Variants in ITGB3BP observed in about 807,000 individuals in gnomAD.
ITGB3BP encodes integrin subunit beta 3 binding protein.
A neutral mutation model predicts 29.1 loss-of-function variants in ITGB3BP; 27 were observed. The observed-to-expected ratio is 0.93, with a 90% CI of 0.68 to 1.28. ITGB3BP has a LOEUF of 1.28. ITGB3BP is among the 50% of genes most tolerant of loss of function. The probability of loss-of-function intolerance (pLI) is 0.00; values close to 1 mark genes in which losing one functional copy is unlikely to be tolerated. For missense variants in ITGB3BP, 192 were observed against 200.2 expected (o/e 0.96, Z 0.25); for synonymous variants, 61 against 61.4 (o/e 0.99, Z 0.03).
upstream of ITGB3BP, among the ~76,000 whole-genome samples, chr1:63,523,796 A>G (rs1646522870): frequency 6.6e-6 from 1 of 152,190 alleles, no homozygotes; most frequent in African/African-American, 2.4e-5. Context: ...AGAGGAATAC[A>G]AAAATAGAGA....
chr1:63,485,453 T>C (rs1226638209), intron 3 of ITGB3BP, among the ~76,000 whole-genome samples: 7 of 151,494 alleles, frequency 4.6e-5, no homozygotes, highest in Admixed American at 2.0e-4. Context: ...CGCCCTCCAA[T>C]TGTTTGTTTT....
intron 4 of ITGB3BP, among the ~76,000 whole-genome samples, chr1:63,473,351 GGTCA>G (rs1645247411): frequency 6.6e-6 from 1 of 151,050 alleles, no homozygotes; most frequent in African/African-American, 2.4e-5. Context: ...GGTGGCGGGG[GGTCA>G]GCCCCCCGCC....
chr1:63,499,337 A>C (rs1179013423), intron 2 of ITGB3BP, among the ~76,000 whole-genome samples: 3 of 151,668 alleles, frequency 2.0e-5, no homozygotes, highest in African/African-American at 7.3e-5. Flanking sequence ...TTTAGTAGAG[A>C]AGGGGGTTTC....
chr1:63,462,137 A>T (rs1645027506), intron 4 of ITGB3BP, among the ~76,000 whole-genome samples: 1 of 152,196 alleles, frequency 6.6e-6, no homozygotes, highest in Admixed American at 6.5e-5. Flanking sequence ...TTTTATTTAG[A>T]TCTTCTTTAA....
At chr1:63,493,783 T>A (rs1327613976) in intron 2 of ITGB3BP, among the ~76,000 whole-genome samples, 1 of 152,234 alleles carries the variant, frequency 6.6e-6, no homozygotes, top group East Asian at 1.9e-4. Context: ...CTGATTTTTT[T>A]AAACCTATTA....
chr1:63,443,701 G>A (rs535764272), intron 8 of ITGB3BP, among the ~76,000 whole-genome samples: 1 of 152,272 alleles, frequency 6.6e-6, no homozygotes, highest in South Asian at 2.1e-4. Flanking sequence ...AGAGGTAATG[G>A]AGAAATAAAC....
At chr1:63,497,880 C>T (rs139586338) in intron 2 of ITGB3BP, among the ~76,000 whole-genome samples, 57 of 151,912 alleles carry the variant, frequency 3.8e-4, no homozygotes, top group African/African-American at 1.3e-3. Context: ...CTGTACTGGG[C>T]ACTTCTTTTC....
At chr1:63,492,657 C>T (rs1165660390) in intron 2 of ITGB3BP, among the ~76,000 whole-genome samples, 1 of 151,998 alleles carries the variant, frequency 6.6e-6, no homozygotes, top group African/African-American at 2.4e-5. Context: ...AGTCAGCAAT[C>T]CTTCCATTCA....
intron 3 of ITGB3BP, among the ~76,000 whole-genome samples, chr1:63,483,548 G>A (rs1645475823): frequency 6.6e-6 from 1 of 151,906 alleles, no homozygotes; most frequent in Admixed American, 6.6e-5. Flanking sequence ...TTATTGCCCT[G>A]TTTTCAATTT....
At chr1:63,520,390 T>A (rs574223553) in intron 1 of ITGB3BP, among the ~76,000 whole-genome samples, 1 of 152,132 alleles carries the variant, frequency 6.6e-6, no homozygotes, top group South Asian at 2.1e-4. Flanking sequence ...TCAACCTAGA[T>A]AGAGAAATGA....
chr1:63,499,158 T>A (rs1467127552), intron 2 of ITGB3BP, among the ~76,000 whole-genome samples: 2 of 8,458 alleles, frequency 2.4e-4, no homozygotes, highest in Non-Finnish European at 1.0e-3. Context: ...CCACTAGCGT[T>A]TTTTTTTTTT....
chr1:63,480,714 T>TA (rs1557630971), intron 3 of ITGB3BP, among the ~76,000 whole-genome samples: 1 of 152,120 alleles, frequency 6.6e-6, no homozygotes, highest in Non-Finnish European at 1.5e-5. Context: ...AGAAAAAACT[T>TA]ACAGAAATTT....
intron 4 of ITGB3BP, among the ~76,000 whole-genome samples, chr1:63,470,801 T>C (rs577195581): frequency 6.6e-6 from 1 of 152,348 alleles, no homozygotes; most frequent in South Asian, 2.1e-4. Flanking sequence ...CCATAAGGTA[T>C]GCATATATCC....
chr1:63,500,800 G>A (rs1366720343), intron 2 of ITGB3BP, among the ~76,000 whole-genome samples: 2 of 151,866 alleles, frequency 1.3e-5, no homozygotes, highest in African/African-American at 2.4e-5. Flanking sequence ...AATTCATATG[G>A]AATTACAAAG....
At position 63,468,117 on chromosome 1, in the gene ITGB3BP, C is replaced by A. The variant is rs190936642; in HGVS notation, c.254+10647G>T. ...CTGCAAACCAGTTCATCTATTAATACATAGTAAAAAACATGGCTGCCAGTA... is the reference window on the plus strand; with the variant it reads ...CTGCAAACCAGTTCATCTATTAATAAATAGTAAAAAACATGGCTGCCAGTA... On this transcript the variant is annotated intron_variant, in intron 4 of 8. Transcript: ENST00000271002. Among the ~76,000 whole-genome samples, 5 of 152,288 alleles carry A rather than the reference C, an allele frequency of 3.3e-5. No individual in the cohort carries two copies. The East Asian group carries it at 9.7e-4, about 29-fold the overall frequency.
At chr1:63,457,822 T>C (rs752676905) in intron 4 of ITGB3BP, 9 of 152,212 alleles carry the variant, frequency 5.9e-5, no homozygotes, top group Admixed American at 1.3e-4. Context: ...TTTTACGGCA[T>C]CCTTACAAGA....
rs1022656876 is a variant in ITGB3BP, at chr1:63,487,225, T to C, written c.184+2858A>G. 6.9e-4 allele frequency among the ~76,000 whole-genome samples: 105 copies of C among 152,146 alleles called. 1 individual carries two copies. Among genetic ancestry groups the C allele is most frequent in the African/African-American group, 2.4e-3 (98 of 41,550 alleles). ...AAGTTTGTCTGCAGGGTTTTACAAA[T>C]TGTCACAAAACTCCAAAAAATTTTC... On this transcript the variant is annotated intron_variant, in intron 3 of 8. Coordinates refer to ENST00000271002, the MANE Select transcript of ITGB3BP (RefSeq NM_014288.5).
intron 1 of ITGB3BP, among the ~76,000 whole-genome samples, chr1:63,512,673 A>G (rs1344527466): frequency 6.6e-6 from 1 of 152,158 alleles, no homozygotes; most frequent in Non-Finnish European, 1.5e-5. Context: ...TAAAGTTGAT[A>G]ATAACACAGG....
At chr1:63,485,890 A>G (rs572103080) in intron 3 of ITGB3BP, among the ~76,000 whole-genome samples, 2 of 152,168 alleles carry the variant, frequency 1.3e-5, no homozygotes, top group East Asian at 3.9e-4. Context: ...TTATCATGAT[A>G]TAACTAGATG....
Sources: allele counts gnomAD v4.1 joint callset (sites outside exome capture counted in the v4.1 genomes callset), GRCh38; gene constraint gnomAD v4.1.1; transcripts MANE v1.5; gene names NCBI Gene and HGNC (gene_info 2026-07-23, HGNC 2026-07-21).